CLK4: variants seen among roughly 807,000 people sequenced by gnomAD.
CLK4 encodes the protein CDC like kinase 4, also known as dual specificity protein kinase CLK4.
In CLK4, 37 loss-of-function variants were observed where a neutral mutation model predicts 64.4. That is an observed-to-expected ratio of 0.57 (90% CI 0.44 to 0.76). CLK4 has a LOEUF of 0.76. CLK4 is among the 30% of genes least tolerant of loss of function. CLK4 has a pLI of 0.00. For synonymous variants in CLK4, 175 were observed against 191.6 expected (o/e 0.91, Z 0.72); for missense variants, 457 against 605.1 (o/e 0.76, Z 2.57).
rs778340478 is a variant in CLK4, at chr5:178,613,768, T to G, written c.618A>C (p.Gln206His). ...RYREAARSEI[Q>H]VLEHLNSTDP... is the part of the protein sequence containing the mutation. Reference sequence around the variant, plus strand: ...CAGTACTATTTAAGTGCTCTAATACTTGGATTTCTGAACGAGCTGCTTCAC... The same window carrying G: ...CAGTACTATTTAAGTGCTCTAATACGTGGATTTCTGAACGAGCTGCTTCAC... The change falls in exon 6 of 13, where the codon CAA (glutamine) becomes CAC (histidine). Residue 206 changes from glutamine to histidine, a missense_variant. Physicochemically the swap from Gln to His is conservative, Grantham distance 24. Transcript: ENST00000316308. 3.1e-6 allele frequency: 5 copies of G among 1,614,162 alleles called. No individual in the cohort carries two copies. Among genetic ancestry groups the G allele is most frequent in the Non-Finnish European group, 4.2e-6 (5 of 1,180,012 alleles).
intron 10 of CLK4, 142 bp downstream of exon 10, chr5:178,608,234 A>G: frequency 5.0e-6 from 3 of 595,854 alleles, no homozygotes; most frequent in Non-Finnish European, 8.9e-6. Context: ...CTGTGGTTTT[A>G]AAGAATGACC....
intron 9 of CLK4, among the ~76,000 whole-genome samples, chr5:178,611,780 C>T (rs1266529718): frequency 1.3e-5 from 2 of 152,206 alleles, no homozygotes; most frequent in Non-Finnish European, 2.9e-5. Flanking sequence ...TTATTACATT[C>T]AACTCTCTTG....
chr5:178,605,317 C>T lies in CLK4; in HGVS notation c.1200G>A (p.Met400Ile). 4 of 1,583,230 alleles carry T rather than the reference C, an allele frequency of 2.5e-6. No homozygotes were observed. The South Asian group carries it at 4.7e-5, about 18-fold the overall frequency. ...TTAAAACATACCTTGTTTTCTGAAT[C>T]ATGTGTTGTGGTATGGGTCCTAATA... ...ERILGPIPQH[M>I]IQKTRKRKYF... The change falls in exon 11 of 13, where the codon ATG becomes ATA. Residue 400 changes from methionine (M) to isoleucine (I), a missense_variant. Physicochemically the swap from Met to Ile is conservative, Grantham distance 10. Transcript: ENST00000316308.
At chr5:178,612,617 C>G (rs1431282022) in intron 8 of CLK4, 72 bp from the exon 9 acceptor site, 1 of 1,456,328 alleles carries the variant, frequency 6.9e-7, no homozygotes. Context: ...AAGGCCAGCA[C>G]ATGAATTATC....
intron 9 of CLK4, among the ~76,000 whole-genome samples, chr5:178,609,399 T>C (rs916294954): frequency 1.3e-5 from 2 of 152,118 alleles, no homozygotes; most frequent in Non-Finnish European, 2.9e-5. Context: ...TAATAGAGCA[T>C]GGGCCAGGCG....
intron 9 of CLK4, 35 bp downstream of exon 9, chr5:178,612,381 C>T: frequency 2.6e-6 from 4 of 1,545,620 alleles, no homozygotes; most frequent in East Asian, 2.3e-5. Context: ...ATCTCTTCTT[C>T]AATTATAATA....
chr5:178,616,108 T>C (rs1007319453), intron 5 of CLK4, among the ~76,000 whole-genome samples: 1 of 152,166 alleles, frequency 6.6e-6, no homozygotes, highest in Non-Finnish European at 1.5e-5. Context: ...TTATTTTTTT[T>C]GAGACGGATT....
chr5:178,624,296 C>A (rs1298295201), intron 1 of CLK4, among the ~76,000 whole-genome samples: 1 of 152,182 alleles, frequency 6.6e-6, no homozygotes, highest in East Asian at 1.9e-4. Context: ...GTGAAACTGT[C>A]TCTACAAAAA....
At position 178,623,361 on chromosome 5, in the gene CLK4, C is replaced by T. The variant is rs1281537042; in HGVS notation, c.56G>A (p.Gly19Glu). 3.1e-6 allele frequency: 5 copies of T among 1,613,908 alleles called. No homozygotes were observed. The highest frequency in any genetic ancestry group is 4.2e-6 in the Non-Finnish European group (5 of 1,179,978). The change falls in exon 2 of 13, where the codon GGA becomes GAA. Residue 19 changes from glycine to glutamate, a missense_variant. By Grantham distance (98) the Gly-to-Glu change is moderately conservative. Coordinates refer to ENST00000316308, the MANE Select transcript of CLK4 (RefSeq NM_020666.3). ...CPDWDSRESW[G>E]HESYRGSHKR... ...GTGACTTCCACGATAGCTTTCATGT[C>T]CCCAGCTTTCTCTGCTATCCCAATC...
At position 178,603,138 on chromosome 5, in the gene CLK4, T is replaced by C. The variant is rs536144195; in HGVS notation, c.*479A>G. 6.5e-6 allele frequency: 1 copy of C among 152,800 alleles called. No individual in the cohort carries two copies. Among genetic ancestry groups the C allele is most frequent in the South Asian group, 2.1e-4 (1 of 4,830 alleles). The allele number at this position is 152,800 out of a possible 1,614,324, so 9.5% of individuals were successfully genotyped here. Reference sequence around the variant, plus strand: ...TTAATAGAATTCTAACAGTAAACATTTTCTGAGTTTTGGTTTCTAGTACCT... The same window carrying C: ...TTAATAGAATTCTAACAGTAAACATCTTCTGAGTTTTGGTTTCTAGTACCT... On this transcript the variant is annotated 3_prime_UTR_variant, in exon 13 of 13. Coordinates refer to ENST00000316308, the MANE Select transcript of CLK4 (RefSeq NM_020666.3).
intron 9 of CLK4, among the ~76,000 whole-genome samples, chr5:178,610,114 C>T (rs1256314357): frequency 6.6e-6 from 1 of 151,208 alleles, no homozygotes; most frequent in Non-Finnish European, 1.5e-5. Context: ...TGTGGTGAAA[C>T]CCCATCTCTA....
chr5:178,626,631 C>A (rs888044733), intron 1 of CLK4, among the ~76,000 whole-genome samples: 35 of 152,246 alleles, frequency 2.3e-4, no homozygotes, highest in Non-Finnish European at 7.3e-5. Context: ...CAGGTCCTAG[C>A]GCCCGCCGGC....
At chr5:178,610,238 C>A (rs886317512) in intron 9 of CLK4, among the ~76,000 whole-genome samples, 1 of 151,414 alleles carries the variant, frequency 6.6e-6, no homozygotes, top group Admixed American at 6.6e-5. Context: ...TGCAGTGAGC[C>A]GAGATCGTGC....
At position 178,603,938 on chromosome 5, in the gene CLK4, C is replaced by CAT; in HGVS notation, c.1215-5_1215-4insAT. 6.8e-7 allele frequency: 1 copy of CAT among 1,467,912 alleles called. No homozygotes were observed. Among genetic ancestry groups the CAT allele is most frequent in the Non-Finnish European group, 9.1e-7 (1 of 1,098,228 alleles). The allele number at this position is 1,467,912 out of a possible 1,614,324, so 90.9% of individuals were successfully genotyped here. The stretch of plus-strand genomic sequence containing the variant: ...ATGGTGAAAATACTTGCGTTTTCTA[C>CAT]AGAAAAAAAAAAAAAGTCTGGATTA... On this transcript the variant is annotated splice_region_variant and splice_polypyrimidine_tract_variant and intron_variant, in intron 11 of 12. Transcript: ENST00000316308.
chr5:178,613,346 G>T, intron 7 of CLK4, 127 bp downstream of exon 7: 1 of 526,950 alleles, frequency 1.9e-6, no homozygotes, highest in South Asian at 6.1e-5. Flanking sequence ...GCGTGAACCC[G>T]GGAGGCTGAG....
intron 1 of CLK4, among the ~76,000 whole-genome samples, chr5:178,626,481 T>A (rs1037663311): frequency 1.3e-5 from 2 of 152,166 alleles, no homozygotes; most frequent in African/African-American, 4.8e-5. Context: ...GCCAGTGCCT[T>A]TGGCGCACTC....
intron 10 of CLK4, among the ~76,000 whole-genome samples, chr5:178,606,546 A>G (rs1285352631): frequency 1.3e-5 from 2 of 152,034 alleles, no homozygotes; most frequent in African/African-American, 2.4e-5. Flanking sequence ...CTTCAAATCA[A>G]CCTCAACAGT....
At chr5:178,616,973 TG>T in intron 4 of CLK4, 25 bp from the exon 5 acceptor site, 1 of 1,511,158 alleles carries the variant, frequency 6.6e-7, no homozygotes, top group Non-Finnish European at 9.2e-7. Flanking sequence ...GAAAAAGAGG[TG>T]TAAGTACCTG....
In CLK4 at chr5:178,603,777, G is replaced by A; in HGVS notation, c.1306-20C>T. On this transcript the variant is annotated intron_variant, in intron 12 of 12. Transcript: ENST00000316308. ...AAATTCCTGGGGGAGAAATGTTTTT[G>A]TTTTAAAAAAAATTATTAATAGTGC... The A allele has an allele frequency of 1.3e-6, 2 of 1,577,902 alleles. No individual in the cohort carries two copies. Among genetic ancestry groups the A allele is most frequent in the Non-Finnish European group, 8.6e-7 (1 of 1,167,434 alleles).
Sources: gnomAD v4.1 joint callset for allele counts (sites outside exome capture counted in the v4.1 genomes callset) on GRCh38, gnomAD v4.1.1 for gene constraint, MANE v1.5 for transcripts, NCBI Gene and HGNC (gene_info 2026-07-23, HGNC 2026-07-21) for gene names.